Variants in CCM2 observed in about 807,000 individuals in gnomAD.
CCM2 encodes cerebral cavernous malformations 2 protein.
A neutral mutation model predicts 44.9 loss-of-function variants in CCM2; 25 were observed. The observed-to-expected ratio is 0.56, with a 90% CI of 0.41 to 0.78. The LOEUF (loss-of-function observed/expected upper bound fraction) is 0.78. CCM2 is among the 30% of genes least tolerant of loss of function. The pLI is 0.00. For missense variants in CCM2, 481 were observed against 580.6 expected, an observed-to-expected ratio of 0.83 and a Z score of 1.76; for synonymous variants, 219 against 241.1, an observed-to-expected ratio of 0.91 and a Z score of 0.85.
At chr7:45,008,770 A>G (rs1009179691) in intron 1 of CCM2, among the ~76,000 whole-genome samples, 3 of 152,178 alleles carry the variant, frequency 2.0e-5, no homozygotes, top group Non-Finnish European at 4.4e-5. Flanking sequence ...GATTATGTCT[A>G]GCTAATTTAT....
intron 1 of CCM2, among the ~76,000 whole-genome samples, chr7:45,036,480 C>T (rs777381363): frequency 6.6e-6 from 1 of 152,152 alleles, no homozygotes. Context: ...ACTTTTCCCG[C>T]TAATGCTGGA....
intron 2 of CCM2, chr7:45,043,688 T>C: frequency 2.5e-6 from 1 of 395,058 alleles, no homozygotes; most frequent in South Asian, 1.8e-5. Flanking sequence ...TTTAACTTTA[T>C]TTTTTTCTTT....
At position 45,023,071 on chromosome 7, in the gene CCM2, A is replaced by G. The variant is rs921842307; in HGVS notation, c.31-15182A>G. ...GGGCTTTTAGTGTACCCATCACCCA[A>G]AAAGCGTACATTGTATCCAGTAGGT... On this transcript the variant is annotated intron_variant, in intron 1 of 9. Transcript: ENST00000258781. Among the ~76,000 whole-genome samples, 5 of 151,938 alleles carry G rather than the reference A, an allele frequency of 3.3e-5. No individual in the cohort carries two copies. The South Asian group carries it at 6.2e-4, about 19-fold the overall frequency.
intron 1 of CCM2, among the ~76,000 whole-genome samples, chr7:45,021,210 T>C (rs1796467308): frequency 6.6e-6 from 1 of 152,120 alleles, no homozygotes. Context: ...TGAGCCATGA[T>C]TGTGCCACTG....
At chr7:45,043,644 TGTG>T (rs145918895) in intron 2 of CCM2, 18,745 of 359,458 alleles carry the variant, frequency 0.052, 1,331 homozygotes, top group African/African-American at 0.22. Flanking sequence ...AAAAAAAAAT[TGTG>T]GAGAAATTTT....
chr7:45,047,471 A>C (rs966818445), intron 2 of CCM2, among the ~76,000 whole-genome samples: 1 of 152,196 alleles, frequency 6.6e-6, no homozygotes. Flanking sequence ...CAGGAAGTCC[A>C]GGCTGCAGTG....
intron 1 of CCM2, among the ~76,000 whole-genome samples, chr7:45,021,161 G>A (rs1399215277): frequency 6.6e-6 from 1 of 152,164 alleles, no homozygotes; most frequent in Non-Finnish European, 1.5e-5. Flanking sequence ...TGAGGCTGAG[G>A]TGGGAGGATG....
At chr7:45,024,740 C>T (rs1370239679) in intron 1 of CCM2, among the ~76,000 whole-genome samples, 1 of 152,212 alleles carries the variant, frequency 6.6e-6, no homozygotes, top group Non-Finnish European at 1.5e-5. Flanking sequence ...CAGGATACAT[C>T]TGATGCTGAT....
At chr7:45,023,789 T>G (rs1273132643) in intron 1 of CCM2, among the ~76,000 whole-genome samples, 5 of 6,078 alleles carry the variant, frequency 8.2e-4, no homozygotes, top group Admixed American at 1.6e-3. Flanking sequence ...CTGTATCAGT[T>G]TTTTTTTTTT....
chr7:45,027,230 G>C, intron 1 of CCM2: 1 of 278,522 alleles, frequency 3.6e-6, no homozygotes, highest in South Asian at 3.6e-5. Context: ...GGGGTAACTG[G>C]AACAGCCTTG....
chr7:45,072,059 T>C (rs1253571322), intron 6 of CCM2: 3 of 357,078 alleles, frequency 8.4e-6, no homozygotes, highest in African/African-American at 6.4e-5. Flanking sequence ...TCTTACCCTC[T>C]CTGCAACACT....
In CCM2 at chr7:45,031,617, G is replaced by A. The variant is rs1796974588; in HGVS notation, c.31-6636G>A. Among the ~76,000 whole-genome samples the A allele has an allele frequency of 2.0e-5, 3 of 152,182 alleles. No homozygotes were observed. In the South Asian group the frequency reaches 6.2e-4, roughly 32 times the overall value. Reference sequence around the variant, plus strand: ...CTGTCACCCAGGCTGGAGTGCAGTGGTGTGATCACAGCTCACTGCAGCCTT... The same window carrying A: ...CTGTCACCCAGGCTGGAGTGCAGTGATGTGATCACAGCTCACTGCAGCCTT... On this transcript the variant is annotated intron_variant, in intron 1 of 9. Coordinates refer to ENST00000258781, the MANE Select transcript of CCM2 (RefSeq NM_031443.4).
At chr7:45,069,512 A>C (rs1798950095) in intron 5 of CCM2, among the ~76,000 whole-genome samples, 1 of 152,136 alleles carries the variant, frequency 6.6e-6, no homozygotes, top group Admixed American at 6.5e-5. Context: ...TAGGGTTGTG[A>C]GGGTGTTGAT....
rs1316963973 is a variant in CCM2, at chr7:45,074,340, C to T, written c.986C>T (p.Ala329Val). 10 of 1,613,796 alleles carry T rather than the reference C, an allele frequency of 6.2e-6. No individual in the cohort carries two copies. Among genetic ancestry groups the T allele is most frequent in the Non-Finnish European group, 7.6e-6 (9 of 1,180,038 alleles). Reference sequence around the variant, plus strand: ...CTGCTGCACGAGTACCGCAATGGGGCCTCTATCCACGAGTTCTGCATCAAC... The same window carrying T: ...CTGCTGCACGAGTACCGCAATGGGGTCTCTATCCACGAGTTCTGCATCAAC... ...AALLHEYRNG[A>V]SIHEFCINLR... Residue 329 changes from alanine (A) to valine (V), a missense_variant, in exon 9 of 10, where the codon GCC becomes GTC. Coordinates refer to ENST00000258781, the MANE Select transcript of CCM2 (RefSeq NM_031443.4).
intron 1 of CCM2, chr7:45,027,808 G>A: frequency 6.2e-7 from 1 of 1,614,042 alleles, no homozygotes. Context: ...GTAGGTGCAA[G>A]TCCAGTGTGG....
At chr7:45,036,528 A>G (rs1477581180) in intron 1 of CCM2, among the ~76,000 whole-genome samples, 1 of 152,082 alleles carries the variant, frequency 6.6e-6, no homozygotes, top group East Asian at 1.9e-4. Context: ...AGGGGCTCAT[A>G]CAGGGCAGGG....
chr7:45,012,795 T>C (rs568961985), intron 1 of CCM2, among the ~76,000 whole-genome samples: 101 of 152,144 alleles, frequency 6.6e-4, no homozygotes, highest in African/African-American at 2.2e-3. Context: ...AGTGATCCTC[T>C]TCAGCCTCCC....
At chr7:45,020,646 T>C (rs1367713541) in intron 1 of CCM2, among the ~76,000 whole-genome samples, 2 of 152,258 alleles carry the variant, frequency 1.3e-5, no homozygotes, top group African/African-American at 4.8e-5. Flanking sequence ...CAAATTGTTT[T>C]GTATGGTAGA....
At chr7:45,007,292 G>A (rs1229586307) in intron 1 of CCM2, among the ~76,000 whole-genome samples, 3 of 152,136 alleles carry the variant, frequency 2.0e-5, no homozygotes, top group Non-Finnish European at 4.4e-5. Flanking sequence ...GATCTGTGGC[G>A]GGAGCAGTGA....
Sources: allele counts gnomAD v4.1 joint callset (sites outside exome capture counted in the v4.1 genomes callset), GRCh38; gene constraint gnomAD v4.1.1; transcripts MANE v1.5; gene names NCBI Gene and HGNC (gene_info 2026-07-23, HGNC 2026-07-21).